FBXL17: variants seen among roughly 807,000 people sequenced by gnomAD.
FBXL17 encodes F-box/LRR-repeat protein 17.
A neutral mutation model predicts 66.2 loss-of-function variants in FBXL17; 22 were observed. The observed-to-expected ratio is 0.33, with a 90% CI of 0.24 to 0.47. The LOEUF (loss-of-function observed/expected upper bound fraction) is 0.47. FBXL17 is among the 20% of genes least tolerant of loss of function. The pLI is 1.00. For missense variants in FBXL17, 878 were observed against 948.2 expected (o/e 0.93, Z 0.97); for synonymous variants, 474 against 400.5 (o/e 1.18, Z -2.19).
chr5:108,054,441 A>C (rs2112830088), intron 6 of FBXL17, among the ~76,000 whole-genome samples: 1 of 152,066 alleles, frequency 6.6e-6, no homozygotes, highest in Middle Eastern at 3.4e-3. Context: ...CTGACTCCTC[A>C]CAGAGTTTCC....
At chr5:108,343,522 G>A (rs1462580859) in intron 4 of FBXL17, among the ~76,000 whole-genome samples, 1 of 152,098 alleles carries the variant, frequency 6.6e-6, no homozygotes, top group African/African-American at 2.4e-5. Context: ...ATTATAGGAG[G>A]GGAACTAAGG....
At chr5:108,337,619 C>T (rs186819949) in intron 4 of FBXL17, among the ~76,000 whole-genome samples, 5 of 149,530 alleles carry the variant, frequency 3.3e-5, no homozygotes, top group African/African-American at 4.9e-5. Context: ...AGAGTATTTG[C>T]GAAAAATAAT....
At chr5:107,864,045 G>A (rs1018678034) in intron 8 of FBXL17, among the ~76,000 whole-genome samples, 7 of 152,204 alleles carry the variant, frequency 4.6e-5, no homozygotes, top group African/African-American at 1.7e-4. Flanking sequence ...GAGAACCAAG[G>A]CATGTTACTT....
intron 6 of FBXL17, among the ~76,000 whole-genome samples, chr5:108,038,490 AT>A (rs1746931954): frequency 6.6e-6 from 1 of 152,086 alleles, no homozygotes; most frequent in African/African-American, 2.4e-5. Flanking sequence ...TCATTATATG[AT>A]TCTATATTTA....
At chr5:108,027,915 T>C (rs1754891242) in intron 6 of FBXL17, among the ~76,000 whole-genome samples, 1 of 152,162 alleles carries the variant, frequency 6.6e-6, no homozygotes, top group African/African-American at 2.4e-5. Flanking sequence ...TTTTAAGGTT[T>C]GTGAGTTTCC....
At chr5:108,066,025 T>C (rs781386503) in intron 6 of FBXL17, among the ~76,000 whole-genome samples, 2 of 152,136 alleles carry the variant, frequency 1.3e-5, no homozygotes, top group African/African-American at 2.4e-5. Context: ...GTTAGGTTTA[T>C]GGAAGGGATT....
intron 6 of FBXL17, among the ~76,000 whole-genome samples, chr5:108,160,333 T>C (rs1184650794): frequency 6.6e-6 from 1 of 152,238 alleles, no homozygotes; most frequent in Non-Finnish European, 1.5e-5. Context: ...ATAATGGCTC[T>C]TAGTGGTTAT....
intron 7 of FBXL17, among the ~76,000 whole-genome samples, chr5:107,921,055 CA>C (rs1750302262): frequency 6.6e-6 from 1 of 151,942 alleles, no homozygotes; most frequent in Admixed American, 6.6e-5. Context: ...CATGAAAATT[CA>C]AAGGGTAAAT....
intron 5 of FBXL17, among the ~76,000 whole-genome samples, chr5:108,186,599 A>C (rs1045543136): frequency 6.6e-6 from 1 of 151,860 alleles, no homozygotes; most frequent in Non-Finnish European, 1.5e-5. Flanking sequence ...GTGAAACCCC[A>C]TCTCTACTAA....
At chr5:107,870,717 C>T (rs1166130667) in intron 8 of FBXL17, among the ~76,000 whole-genome samples, 1 of 151,882 alleles carries the variant, frequency 6.6e-6, no homozygotes, top group African/African-American at 2.4e-5. Context: ...TCCCAAGTAG[C>T]TGGGACTACA....
chr5:107,963,843 C>A (rs902244293), intron 7 of FBXL17, among the ~76,000 whole-genome samples: 1 of 152,066 alleles, frequency 6.6e-6, no homozygotes, highest in African/African-American at 2.4e-5. Flanking sequence ...TGAAAACTCA[C>A]TCTAGGCTTT....
chr5:108,309,102 A>G (rs1758992322), intron 4 of FBXL17, among the ~76,000 whole-genome samples: 1 of 152,060 alleles, frequency 6.6e-6, no homozygotes, highest in East Asian at 1.9e-4. Flanking sequence ...AATATGAAAC[A>G]TAATTAATTG....
intron 8 of FBXL17, among the ~76,000 whole-genome samples, chr5:107,864,172 C>T (rs1232816439): frequency 6.6e-6 from 1 of 152,144 alleles, no homozygotes; most frequent in South Asian, 2.1e-4. Context: ...AAAAAGCCCA[C>T]CATACAGTAG....
At chr5:108,018,940 T>C (rs150541016) in intron 7 of FBXL17, among the ~76,000 whole-genome samples, 7 of 152,288 alleles carry the variant, frequency 4.6e-5, no homozygotes, top group Admixed American at 6.5e-5. Context: ...CTTCAGACAG[T>C]CTAATGTGCA....
chr5:108,358,730 T>C (rs898861497), intron 3 of FBXL17, among the ~76,000 whole-genome samples: 5 of 152,144 alleles, frequency 3.3e-5, no homozygotes, highest in African/African-American at 4.8e-5. Flanking sequence ...CCTCTTCAAT[T>C]TTTTTGAAAG....
chr5:108,187,353 C>T (rs914919568), intron 5 of FBXL17, among the ~76,000 whole-genome samples: 10 of 152,218 alleles, frequency 6.6e-5, no homozygotes, highest in African/African-American at 2.4e-4. Context: ...CCAAAGATAC[C>T]TATGCTCTAA....
intron 6 of FBXL17, among the ~76,000 whole-genome samples, chr5:108,140,891 T>C (rs2149985838): frequency 6.6e-6 from 1 of 152,274 alleles, no homozygotes; most frequent in African/African-American, 2.4e-5. Context: ...AATTTTGAAT[T>C]ATTTTCCCTT....
intron 6 of FBXL17, among the ~76,000 whole-genome samples, chr5:108,130,692 T>G (rs2149975926): frequency 6.6e-6 from 1 of 152,182 alleles, no homozygotes; most frequent in Non-Finnish European, 1.5e-5. Context: ...TGCTTTAATA[T>G]CCTACTTTAT....
At chr5:107,931,142 C>G (rs1300113072) in intron 7 of FBXL17, among the ~76,000 whole-genome samples, 1 of 152,114 alleles carries the variant, frequency 6.6e-6, no homozygotes, top group Non-Finnish European at 1.5e-5. Context: ...TCTGAACTGA[C>G]CAGTTTGTAT....
Sources: gnomAD v4.1 joint callset for allele counts (sites outside exome capture counted in the v4.1 genomes callset) on GRCh38, gnomAD v4.1.1 for gene constraint, MANE v1.5 for transcripts, NCBI Gene and HGNC (gene_info 2026-07-23, HGNC 2026-07-21) for gene names.